NIPA2: variants seen among roughly 807,000 people sequenced by gnomAD.
The protein encoded by NIPA2 is NIPA magnesium transporter 2.
Under a neutral mutation model 29.7 loss-of-function variants are expected in NIPA2, and 11 were observed. That is an observed-to-expected ratio of 0.37 (90% CI 0.23 to 0.61). The LOEUF (loss-of-function observed/expected upper bound fraction) is 0.61, where lower values mean the gene tolerates loss of function less well. NIPA2 is among the 20% of genes least tolerant of loss of function. The pLI, the probability that NIPA2 is intolerant of heterozygous loss-of-function variation, is 0.66. For missense variants in NIPA2, 426 were observed against 437.9 expected, an observed-to-expected ratio of 0.97 and a Z score of 0.24; for synonymous variants, 183 against 161.9, an observed-to-expected ratio of 1.13 and a Z score of -0.99.
chr15:22,847,728 T>C (rs998048237), intron 3 of NIPA2, among the ~76,000 whole-genome samples: 9 of 148,112 alleles, frequency 6.1e-5, no homozygotes, highest in East Asian at 4.1e-4. Flanking sequence ...TCCCAAAGTG[T>C]TGGGATTACA....
rs574258674 is a variant in NIPA2 at position 22,852,391 on chromosome 15, G to A, written c.139+521G>A. Among the ~76,000 whole-genome samples, 5 of 149,940 alleles carry A rather than the reference G, an allele frequency of 3.3e-5. No individual in the cohort carries two copies. The South Asian group carries it at 6.3e-4, about 19-fold the overall frequency. ...TGAGGCAGCAGAATCGCTTGAACCC[G>A]GGAGGCAGAAACCTCTGCAGTGAGC... On this transcript the variant is annotated intron_variant, in intron 4 of 7. Coordinates refer to ENST00000337451, the MANE Select transcript of NIPA2 (RefSeq NM_030922.7).
intron 7 of NIPA2, among the ~76,000 whole-genome samples, chr15:22,863,393 T>G (rs1476935095): frequency 1.3e-5 from 2 of 152,120 alleles, no homozygotes. Flanking sequence ...TCAGTTTGCC[T>G]TTATTCTTAT....
Position 22,860,648 on chromosome 15 carries a change from T to G in NIPA2, c.307T>G (p.Phe103Val). The G allele has an allele frequency of 1.3e-6, 2 of 1,576,462 alleles. No individual in the cohort carries two copies. Among genetic ancestry groups the G allele is most frequent in the East Asian group, 4.6e-5 (2 of 43,364 alleles). The change falls in exon 7 of 8, where the codon TTT (phenylalanine) becomes GTT (valine). Residue 103 changes from phenylalanine to valine, a missense_variant. Phe to Val is a conservative substitution (Grantham distance 50). Coordinates refer to ENST00000337451, the MANE Select transcript of NIPA2 (RefSeq NM_030922.7). ...TTTTAGTGCCATTCTTTCTTCATAC[T>G]TTCTCAATGAAAGACTTAATCTTCA... Reference protein sequence around the residue: ...VLVSAILSSYFLNERLNLHGK... With the variant: ...VLVSAILSSYVLNERLNLHGK...
chr15:22,866,752 G>C lies in NIPA2; in HGVS notation c.988G>C (p.Val330Leu), dbSNP rs1180757485. The change falls in exon 8 of 8, where the codon GTT becomes CTT. Residue 330 changes from valine to leucine, a missense_variant. Val to Leu is a conservative substitution (Grantham distance 32, BLOSUM62 1). Transcript: ENST00000337451. ...MNGNLSNMYE[V>L]LNNNEESLTC... The stretch of plus-strand genomic sequence containing the variant: ...TGGCAATCTCTCTAATATGTATGAA[G>C]TTCTTAATAATAATGAAGAAAGCTT... The C allele has an allele frequency of 6.2e-7, 1 of 1,613,396 alleles. No individual in the cohort carries two copies. The highest frequency in any genetic ancestry group is 1.1e-5 in the South Asian group (1 of 91,064).
In NIPA2 at chr15:22,867,922, A is replaced by C. The variant is rs565547292; in HGVS notation, c.*1075A>C. 1 of 152,352 alleles carries C rather than the reference A, an allele frequency of 6.6e-6. No individual in the cohort carries two copies. The highest frequency in any genetic ancestry group is 2.1e-4 in the South Asian group (1 of 4,826). 9.4% of individuals were successfully genotyped at this position (152,352 alleles called of 1,614,324 possible). ...GTAGAATAATAAAAAAGGTCTAATG[A>C]ACTCCATTCAGCTTTGAACCTATCC... On this transcript the variant is annotated 3_prime_UTR_variant, in exon 8 of 8. Coordinates refer to ENST00000337451, the MANE Select transcript of NIPA2 (RefSeq NM_030922.7).
At chr15:22,840,361 G>T (rs1896732790) in intron 2 of NIPA2, among the ~76,000 whole-genome samples, 2 of 146,740 alleles carry the variant, frequency 1.4e-5, no homozygotes, top group African/African-American at 2.5e-5. Context: ...GCAGTGGCAC[G>T]ATCTCTGCTC....
intron 6 of NIPA2, among the ~76,000 whole-genome samples, chr15:22,859,692 G>A (rs2058483524): frequency 6.6e-6 from 1 of 152,108 alleles, no homozygotes; most frequent in African/African-American, 2.4e-5. Context: ...AAACAACTAA[G>A]CCCATATTGA....
Position 22,867,460 on chromosome 15 carries a change from C to T in NIPA2, c.*613C>T, listed in dbSNP as rs547307176. ...GAGATGATCACCGTGAATCCGGCTT[C>T]CTCTGAGCATTCGATGGCCTTAGCA... On this transcript the variant is annotated 3_prime_UTR_variant, in exon 8 of 8. Transcript: ENST00000337451. The T allele has an allele frequency of 6.4e-5, 22 of 344,276 alleles. No individual in the cohort carries two copies. The highest frequency in any genetic ancestry group is 1.1e-4 in the African/African-American group (5 of 47,430). 21.3% of individuals were successfully genotyped at this position (344,276 alleles called of 1,614,324 possible). A position where few individuals can be genotyped will look rare whatever the true frequency, so the allele number is the denominator to read the frequency against.
rs1472892325 is a variant in NIPA2, at chr15:22,838,779, C to T, written c.-494C>T. The stretch of plus-strand genomic sequence containing the variant: ...GAGGCGGTGCGAACGGCTTCAGCCC[C>T]GAATGCTCGCATCTCCCACTGGACG... On this transcript the variant is annotated 5_prime_UTR_variant, in exon 1 of 8. Coordinates refer to ENST00000337451, the MANE Select transcript of NIPA2 (RefSeq NM_030922.7). 1.3e-5 allele frequency: 2 copies of T among 152,722 alleles called. No individual in the cohort carries two copies. Among genetic ancestry groups the T allele is most frequent in the East Asian group, 1.9e-4 (1 of 5,200 alleles). 9.5% of individuals were successfully genotyped at this position (152,722 alleles called of 1,614,324 possible). A position where few individuals can be genotyped will look rare whatever the true frequency, so the allele number is the denominator to read the frequency against.
In NIPA2 at chr15:22,850,540, T is replaced by G. The variant is rs145230508; in HGVS notation, c.-93-1099T>G. 1.3e-3 allele frequency among the ~76,000 whole-genome samples: 205 copies of G among 152,336 alleles called. 1 individual carries two copies. Among genetic ancestry groups the G allele is most frequent in the African/African-American group, 4.7e-3 (195 of 41,582 alleles). ...ATCAACTCAGTGTGATAATGTCGTG[T>G]TTACCATTATTGCAGTCTCCCTGCA... is the stretch of plus-strand genomic sequence containing the variant. On this transcript the variant is annotated intron_variant, in intron 3 of 7. Coordinates refer to ENST00000337451, the MANE Select transcript of NIPA2 (RefSeq NM_030922.7).
At chr15:22,865,245 G>A (rs951076207) in intron 7 of NIPA2, among the ~76,000 whole-genome samples, 1 of 151,792 alleles carries the variant, frequency 6.6e-6, no homozygotes, top group African/African-American at 2.4e-5. Context: ...CCAGCACTTT[G>A]GGAGGCCAGA....
intron 4 of NIPA2, among the ~76,000 whole-genome samples, 186 bp from the exon 5 acceptor site, chr15:22,853,026 T>C (rs1222323026): frequency 1.3e-5 from 2 of 152,180 alleles, no homozygotes; most frequent in Non-Finnish European, 2.9e-5. Flanking sequence ...ACGGGTATGC[T>C]TGTAAAGGAT....
chr15:22,858,596 G>C lies in NIPA2; in HGVS notation c.253G>C (p.Val85Leu), dbSNP rs2058378681. 6.2e-7 allele frequency: 1 copy of C among 1,607,568 alleles called. No homozygotes were observed. The highest frequency in any genetic ancestry group is 8.5e-7 in the Non-Finnish European group (1 of 1,175,880). ...GTATGCGTTTGCACCAGCCACTCTAGTGACTCCACTAGGAGCTCTCAGCGT... is the reference window on the plus strand; with the variant it reads ...GTATGCGTTTGCACCAGCCACTCTACTGACTCCACTAGGAGCTCTCAGCGT... ...AAYAFAPATL[V>L]TPLGALSVLV... Residue 85 changes from valine to leucine, a missense_variant, in exon 6 of 8, where the codon GTG (valine) becomes CTG (leucine). Physicochemically the swap from Val to Leu is conservative, Grantham distance 32 (BLOSUM62 1). Around this residue, in one of 3 missense-constraint regions of NIPA2, gnomAD observed 357 missense variants for 339.8 expected, o/e 1.05. Transcript: ENST00000337451.
chr15:22,860,395 C>G (rs147463088), intron 6 of NIPA2, among the ~76,000 whole-genome samples: 2 of 152,148 alleles, frequency 1.3e-5, no homozygotes, highest in African/African-American at 4.8e-5. Context: ...TGACTTCTTG[C>G]AGTGGAAAGA....
At chr15:22,840,418 C>T (rs1000992519) in intron 2 of NIPA2, among the ~76,000 whole-genome samples, 2 of 151,876 alleles carry the variant, frequency 1.3e-5, no homozygotes, top group Admixed American at 1.3e-4. Flanking sequence ...CTGCCTCAGC[C>T]TCCGGAGTAG....
chr15:22,842,456 G>A (rs1897329677), intron 2 of NIPA2, among the ~76,000 whole-genome samples: 1 of 152,074 alleles, frequency 6.6e-6, no homozygotes, highest in East Asian at 1.9e-4. Flanking sequence ...TTGGGAGGCT[G>A]AGGTGGGTGG....
chr15:22,867,043 A>G lies in NIPA2; in HGVS notation c.*196A>G, dbSNP rs181752812. 378 of 542,576 alleles carry G rather than the reference A, an allele frequency of 7.0e-4. No individual in the cohort carries two copies. Among genetic ancestry groups the G allele is most frequent in the African/African-American group, 6.7e-3 (350 of 52,292 alleles). The allele number at this position is 542,576 out of a possible 1,614,324, so 33.6% of individuals were successfully genotyped here. A position where few individuals can be genotyped will look rare whatever the true frequency, so the allele number is the denominator to read the frequency against. On this transcript the variant is annotated 3_prime_UTR_variant, in exon 8 of 8. Coordinates refer to ENST00000337451, the MANE Select transcript of NIPA2 (RefSeq NM_030922.7). ...GGTAGCTCACTAAAATGACCTCAGC[A>G]CATGACGATTTCTATTAACATTTTA...
rs549548647 is a variant in NIPA2 at position 22,852,254 on chromosome 15, G to A, written c.139+384G>A. Among the ~76,000 whole-genome samples the A allele has an allele frequency of 2.0e-5, 3 of 152,250 alleles. No homozygotes were observed. The East Asian group carries it at 5.8e-4, about 29-fold the overall frequency. ...GGCTGAGGCGGGTGGATCACCTGAG[G>A]TCAGGAGTTCGAGACCAGCCTGGCA... On this transcript the variant is annotated intron_variant, in intron 4 of 7. Coordinates refer to ENST00000337451, the MANE Select transcript of NIPA2 (RefSeq NM_030922.7).
chr15:22,866,842 T>G lies in NIPA2; in HGVS notation c.1078T>G (p.Phe360Val). ...VSRRNGNLTA[F>V] ...CCGAAGAAATGGAAATCTGACAGCT[T>G]TTTAAGAAAGGTGTAATTAAAGGTT... The change falls in exon 8 of 8, where the codon TTT (phenylalanine) becomes GTT (valine). Residue 360 changes from phenylalanine (F) to valine (V), a missense_variant. Physicochemically the swap from Phe to Val is conservative, Grantham distance 50 (BLOSUM62 -1). Transcript: ENST00000337451. 1.9e-6 allele frequency: 3 copies of G among 1,581,412 alleles called. No individual in the cohort carries two copies. The highest frequency in any genetic ancestry group is 2.6e-6 in the Non-Finnish European group (3 of 1,163,136).
Sources: allele counts gnomAD v4.1 joint callset (sites outside exome capture counted in the v4.1 genomes callset), GRCh38; gene constraint gnomAD v4.1.1; regional missense constraint gnomAD v4.1.1; transcripts MANE v1.5; gene names NCBI Gene and HGNC (gene_info 2026-07-23, HGNC 2026-07-21).